The following SMC5 variants were observed in gnomAD, a reference collection of about 807,000 sequenced individuals.
SMC5 encodes the protein structural maintenance of chromosomes 5.
A neutral mutation model predicts 148.3 loss-of-function variants in SMC5; 88 were observed. The ratio of observed to expected loss-of-function variants is 0.59; its 90% CI spans 0.50 to 0.71. The LOEUF (loss-of-function observed/expected upper bound fraction) is 0.71. Ranked by LOEUF, SMC5 falls within the 30% of genes least tolerant of loss-of-function variation. The pLI, the probability that SMC5 is intolerant of heterozygous loss-of-function variation, is 0.00. For missense variants in SMC5, 1,142 were observed against 1,298.9 expected, an observed-to-expected ratio of 0.88 and a Z score of 1.86; for synonymous variants, 421 against 432.8, an observed-to-expected ratio of 0.97 and a Z score of 0.34.
chr9:70,278,626 G>T lies in SMC5; in HGVS notation c.678+1G>T. The T allele has an allele frequency of 6.3e-7, 1 of 1,597,292 alleles. No individual in the cohort carries two copies. The highest frequency in any genetic ancestry group is 8.5e-7 in the Non-Finnish European group (1 of 1,175,742). On this transcript the variant is annotated splice_donor_variant, in intron 5 of 24. Transcript: ENST00000361138. LOFTEE classifies it high-confidence loss of function. ...AAGGGAGAAAGAAAAACAGCTCGAG[G>T]TACTTTAAATAGACAACTCATTTGT...
intron 4 of SMC5, 91 bp downstream of exon 4, chr9:70,277,563 TA>T: frequency 1.0e-6 from 1 of 980,412 alleles, no homozygotes; most frequent in African/African-American, 1.7e-5. Context: ...GACTGCTATT[TA>T]AATTGAACAT....
Position 70,318,681 on chromosome 9 carries a change from G to A in SMC5, c.1974G>A (p.Gln658=). The A allele has an allele frequency of 6.3e-7, 1 of 1,588,634 alleles. No individual in the cohort carries two copies. The highest frequency in any genetic ancestry group is 1.2e-5 in the South Asian group (1 of 84,754). ...DLEQRRHLEE[Q]LKEIHRKLQA... is the part of the protein sequence containing the mutation. Reference sequence around the variant, plus strand: ...AGCAGAGAAGACACTTAGAAGAACAGCTAAAGGTTGGTTAATTTGATCTGA... The same window carrying A: ...AGCAGAGAAGACACTTAGAAGAACAACTAAAGGTTGGTTAATTTGATCTGA... Residue 658 remains glutamine (Q), a synonymous_variant, in exon 14 of 25, where the codon CAG becomes CAA. Transcript: ENST00000361138.
intron 17 of SMC5, among the ~76,000 whole-genome samples, chr9:70,332,033 A>T (rs937868988): frequency 6.6e-6 from 1 of 152,226 alleles, no homozygotes; most frequent in Non-Finnish European, 1.5e-5. Context: ...TAAAAACCTC[A>T]TGCCAATAAA....
chr9:70,272,533 C>G (rs568003260), intron 3 of SMC5, among the ~76,000 whole-genome samples: 2 of 151,994 alleles, frequency 1.3e-5, no homozygotes, highest in East Asian at 3.9e-4. Flanking sequence ...GGCAACATAG[C>G]GAGACTCCAT....
chr9:70,289,898 A>T (rs1388259615), intron 8 of SMC5, among the ~76,000 whole-genome samples: 1 of 151,218 alleles, frequency 6.6e-6, no homozygotes, highest in Non-Finnish European at 1.5e-5. Context: ...TATTATTATT[A>T]TTTTACTGCC....
chr9:70,306,374 T>C (rs1356197943), intron 11 of SMC5, among the ~76,000 whole-genome samples: 1 of 152,226 alleles, frequency 6.6e-6, no homozygotes, highest in Non-Finnish European at 1.5e-5. Flanking sequence ...TTTATTATAT[T>C]GCCCTACTTC....
At chr9:70,297,773 G>A (rs914788616) in intron 8 of SMC5, among the ~76,000 whole-genome samples, 193 bp from the exon 9 acceptor site, 1 of 152,140 alleles carries the variant, frequency 6.6e-6, no homozygotes, top group African/African-American at 2.4e-5. Context: ...AGATATATTA[G>A]TGAATGTGTG....
At chr9:70,272,546 CCACA>C (rs1414963508) in intron 3 of SMC5, among the ~76,000 whole-genome samples, 1 of 151,838 alleles carries the variant, frequency 6.6e-6, no homozygotes, top group Non-Finnish European at 1.5e-5. Flanking sequence ...GACTCCATCT[CCACA>C]CACACACAAA....
At chr9:70,315,328 C>T (rs773183164) in intron 12 of SMC5, 118 bp from the exon 13 acceptor site, 21 of 574,802 alleles carry the variant, frequency 3.7e-5, no homozygotes, top group Non-Finnish European at 5.0e-5. Flanking sequence ...AAGACTTGTC[C>T]TGTGTCATTG....
At chr9:70,340,778 AG>A in intron 17 of SMC5, among the ~76,000 whole-genome samples, 1 of 152,270 alleles carries the variant, frequency 6.6e-6, no homozygotes, top group South Asian at 2.1e-4. Flanking sequence ...CTTCCACAAG[AG>A]GGCCTTCTTA....
At chr9:70,324,179 C>T (rs1393647315) in intron 17 of SMC5, 36 bp downstream of exon 17, 2 of 1,568,526 alleles carry the variant, frequency 1.3e-6, no homozygotes, top group Non-Finnish European at 1.7e-6. Flanking sequence ...TTTTGAGGTT[C>T]TAACCTCAGA....
intron 24 of SMC5, 104 bp downstream of exon 24, chr9:70,350,575 A>C: frequency 1.5e-6 from 1 of 659,408 alleles, no homozygotes; most frequent in Non-Finnish European, 2.5e-6. Flanking sequence ...GAACACTCCC[A>C]AAAAAGGAAT....
Position 70,347,628 on chromosome 9 carries a change from A to C in SMC5, c.2680A>C (p.Thr894Pro). ...GLNPTIVQEY[T>P]KREEEIEQLT... ...CCCCTGCCAGATTGTTCAGGAATAT[A>C]CAAAAAGAGAAGAAGAAATAGAACA... is the stretch of plus-strand genomic sequence containing the variant. Residue 894 changes from threonine (T) to proline (P), a missense_variant, in exon 21 of 25, where the codon ACA becomes CCA. By Grantham distance (38) the Thr-to-Pro change is conservative (BLOSUM62 -1). Around this residue, in one of 5 missense-constraint regions of SMC5, gnomAD observed 743 missense variants for 835.7 expected, o/e 0.89. Coordinates refer to ENST00000361138, the MANE Select transcript of SMC5 (RefSeq NM_015110.4). 1 of 1,566,128 alleles carries C rather than the reference A, an allele frequency of 6.4e-7. No homozygotes were observed. The highest frequency in any genetic ancestry group is 8.6e-7 in the Non-Finnish European group (1 of 1,158,990).
intron 2 of SMC5, among the ~76,000 whole-genome samples, chr9:70,264,912 C>T (rs1587613039): frequency 1.3e-5 from 2 of 152,330 alleles, no homozygotes. Flanking sequence ...TCCTAGACTA[C>T]ACTCCTGTAG....
intron 10 of SMC5, among the ~76,000 whole-genome samples, chr9:70,303,247 A>AC (rs1554694082): frequency 6.6e-6 from 1 of 151,804 alleles, no homozygotes; most frequent in African/African-American, 2.4e-5. Flanking sequence ...AAAAAAAAAA[A>AC]CAATACAGTC....
intron 2 of SMC5, among the ~76,000 whole-genome samples, chr9:70,267,048 T>C (rs1409425132): frequency 4.1e-5 from 6 of 147,122 alleles, no homozygotes; most frequent in South Asian, 2.2e-4. Flanking sequence ...TTTTTTTTTT[T>C]CTCCCATCTT....
chr9:70,315,351 ATG>A, intron 12 of SMC5, 93 bp from the exon 13 acceptor site: 3 of 728,824 alleles, frequency 4.1e-6, no homozygotes, highest in Non-Finnish European at 6.3e-6. Flanking sequence ...GAAATAATGT[ATG>A]TTTTACTTAT....
chr9:70,329,252 C>T (rs1208001410), intron 17 of SMC5, among the ~76,000 whole-genome samples: 1 of 152,200 alleles, frequency 6.6e-6, no homozygotes, highest in Non-Finnish European at 1.5e-5. Context: ...TTTTTCTTTT[C>T]TACTGCATGG....
intron 11 of SMC5, among the ~76,000 whole-genome samples, chr9:70,310,557 A>G (rs2035630839): frequency 6.6e-6 from 1 of 152,154 alleles, no homozygotes; most frequent in Non-Finnish European, 1.5e-5. Context: ...GGGCCCTAGG[A>G]TTTTTTGGAA....
Sources: gnomAD v4.1 joint callset for allele counts (sites outside exome capture counted in the v4.1 genomes callset) on GRCh38, gnomAD v4.1.1 for gene constraint, gnomAD v4.1.1 regional missense constraint, MANE v1.5 for transcripts, NCBI Gene and HGNC (gene_info 2026-07-23, HGNC 2026-07-21) for gene names.